Variants in GLRB observed in about 807,000 individuals in gnomAD.
The protein encoded by GLRB is glycine receptor subunit beta.
GLRB carries 33 observed loss-of-function variants against 54.2 expected under a neutral mutation model. The ratio of observed to expected loss-of-function variants is 0.61; its 90% CI spans 0.46 to 0.81. The LOEUF is 0.81. Ranked by LOEUF, GLRB falls within the 40% of genes least tolerant of loss-of-function variation. The pLI, the probability that GLRB is intolerant of heterozygous loss-of-function variation, is 0.00. For synonymous variants in GLRB, 209 were observed against 208.2 expected, an observed-to-expected ratio of 1.00 and a Z score of -0.03; for missense variants, 572 against 584.6, an observed-to-expected ratio of 0.98 and a Z score of 0.22.
At chr4:157,114,063 A>C (rs916333769) in intron 2 of GLRB, among the ~76,000 whole-genome samples, 1 of 152,008 alleles carries the variant, frequency 6.6e-6, no homozygotes, top group African/African-American at 2.4e-5. Context: ...AGCTGAATAC[A>C]TGAAGTATTT....
At chr4:157,120,730 G>A in intron 3 of GLRB, 68 bp downstream of exon 3, 1 of 769,498 alleles carries the variant, frequency 1.3e-6, no homozygotes, top group South Asian at 1.4e-5. Context: ...TTAGAGATTT[G>A]TGATATTTTA....
chr4:157,100,989 A>G (rs1283139906), intron 2 of GLRB, among the ~76,000 whole-genome samples: 1 of 152,178 alleles, frequency 6.6e-6, no homozygotes, highest in Non-Finnish European at 1.5e-5. Context: ...GCCTGGTGGT[A>G]GTAGACACTT....
In GLRB at chr4:157,171,448, A is replaced by T. The variant is rs1464311939; in HGVS notation, c.*720A>T. 6.6e-6 allele frequency: 1 copy of T among 152,272 alleles called. No homozygotes were observed. Among genetic ancestry groups the T allele is most frequent in the South Asian group, 2.1e-4 (1 of 4,822 alleles). 9.4% of individuals were successfully genotyped at this position (152,272 alleles called of 1,614,324 possible). On this transcript the variant is annotated 3_prime_UTR_variant, in exon 10 of 10. Coordinates refer to ENST00000264428, the MANE Select transcript of GLRB (RefSeq NM_000824.5). ...TGACGAAATATTTAGGATAAACAAAATTCTATTTAATCCACCTTAAAACCT... is the reference window on the plus strand; with the variant it reads ...TGACGAAATATTTAGGATAAACAAATTTCTATTTAATCCACCTTAAAACCT...
intron 2 of GLRB, among the ~76,000 whole-genome samples, chr4:157,091,548 G>T (rs1244199334): frequency 6.6e-6 from 1 of 152,200 alleles, no homozygotes; most frequent in African/African-American, 2.4e-5. Flanking sequence ...GACAGTAACA[G>T]AATGTGTAAC....
At chr4:157,094,146 G>T (rs184317518) in intron 2 of GLRB, among the ~76,000 whole-genome samples, 2 of 149,936 alleles carry the variant, frequency 1.3e-5, no homozygotes, top group East Asian at 2.4e-4. Context: ...TTTAATAAAT[G>T]TTCACCTTGG....
At chr4:157,115,295 A>G (rs1440313204) in intron 2 of GLRB, among the ~76,000 whole-genome samples, 2 of 103,502 alleles carry the variant, frequency 1.9e-5, no homozygotes, top group Admixed American at 1.1e-4. Flanking sequence ...AATTTCTGTT[A>G]CTGTAAGATA....
rs545210532 is a variant in GLRB, at chr4:157,104,349, T to A, written c.123-16207T>A. 5.9e-5 allele frequency among the ~76,000 whole-genome samples: 9 copies of A among 152,272 alleles called. No homozygotes were observed. In the South Asian group the frequency reaches 8.3e-4, roughly 14 times the overall value. ...TCCTTCATTCTGTTGATTTGGGTGG[T>A]TTATGGCATTAATTGATTTCTGTAT... On this transcript the variant is annotated intron_variant, in intron 2 of 9. Coordinates refer to ENST00000264428, the MANE Select transcript of GLRB (RefSeq NM_000824.5).
chr4:157,164,905 A>G (rs866734268), intron 9 of GLRB, among the ~76,000 whole-genome samples: 79 of 152,270 alleles, frequency 5.2e-4, no homozygotes, highest in Admixed American at 1.7e-3. Context: ...TACCCAATAA[A>G]TAAAAGTTAA....
At chr4:157,113,463 T>C (rs1453298315) in intron 2 of GLRB, among the ~76,000 whole-genome samples, 1 of 151,966 alleles carries the variant, frequency 6.6e-6, no homozygotes, top group African/African-American at 2.4e-5. Flanking sequence ...AAATAGAAGA[T>C]ACTTCTACAT....
At chr4:157,115,684 T>C (rs955689387) in intron 2 of GLRB, among the ~76,000 whole-genome samples, 2 of 151,746 alleles carry the variant, frequency 1.3e-5, no homozygotes, top group African/African-American at 4.8e-5. Context: ...TATACCCTTT[T>C]TGGGGAAGTG....
intron 3 of GLRB, among the ~76,000 whole-genome samples, chr4:157,121,572 A>T (rs935166618): frequency 6.6e-6 from 1 of 151,386 alleles, no homozygotes; most frequent in African/African-American, 2.4e-5. Flanking sequence ...GGACCTATTC[A>T]GTTACTTTCA....
chr4:157,170,679 CT>C lies in GLRB; in HGVS notation c.1448del (p.Phe483SerfsTer36), dbSNP rs2126638125. 1 of 1,601,526 alleles carries C rather than the reference CT, an allele frequency of 6.2e-7. No individual in the cohort carries two copies. Among genetic ancestry groups the C allele is most frequent in the African/African-American group, 1.3e-5 (1 of 74,438 alleles). On this transcript the variant is annotated frameshift_variant, in exon 10 of 10. Transcript: ENST00000264428. LOFTEE classifies it high-confidence loss of function. ...GATCTTTATGCAAGAGCATTGTTTC[CT>C]TTCTGCTTCTTGTTCTTCAATGTTA... ...RIDLYARALF[P>X]FCFLFFNVIY...
intron 4 of GLRB, among the ~76,000 whole-genome samples, chr4:157,127,570 A>C (rs2126545637): frequency 6.6e-6 from 1 of 151,986 alleles, no homozygotes; most frequent in East Asian, 1.9e-4. Flanking sequence ...TTCAGATGTG[A>C]TTAAATTAAA....
chr4:157,095,672 T>C (rs1734782841), intron 2 of GLRB, among the ~76,000 whole-genome samples: 1 of 152,106 alleles, frequency 6.6e-6, no homozygotes, highest in African/African-American at 2.4e-5. Context: ...ACAAAAACTT[T>C]TTTTAAAAAG....
chr4:157,140,269 C>T (rs189524542), intron 7 of GLRB, among the ~76,000 whole-genome samples: 107 of 152,004 alleles, frequency 7.0e-4, no homozygotes, highest in Non-Finnish European at 1.3e-3. Flanking sequence ...TGGAAGTGAT[C>T]TAATTGATAA....
chr4:157,165,680 T>C (rs1737679677), intron 9 of GLRB, among the ~76,000 whole-genome samples: 1 of 152,036 alleles, frequency 6.6e-6, no homozygotes, highest in Admixed American at 6.5e-5. Flanking sequence ...TCCAATATCT[T>C]GGTTACTTTT....
chr4:157,111,980 C>A (rs932093152), intron 2 of GLRB, among the ~76,000 whole-genome samples: 1 of 151,912 alleles, frequency 6.6e-6, no homozygotes, highest in Non-Finnish European at 1.5e-5. Flanking sequence ...GCTGGATTTA[C>A]CCCTTCTTCC....
chr4:157,126,288 T>A (rs1579220013), intron 4 of GLRB, among the ~76,000 whole-genome samples: 1 of 152,030 alleles, frequency 6.6e-6, no homozygotes, highest in African/African-American at 2.4e-5. Flanking sequence ...ACATTATTCA[T>A]AAACCATAAT....
chr4:157,104,680 G>T (rs1461497605), intron 2 of GLRB, among the ~76,000 whole-genome samples: 2 of 151,936 alleles, frequency 1.3e-5, no homozygotes, highest in Non-Finnish European at 2.9e-5. Flanking sequence ...GAAACCATCT[G>T]GTCCTAGGCT....
Sources: gnomAD v4.1 joint callset for allele counts (sites outside exome capture counted in the v4.1 genomes callset) on GRCh38, gnomAD v4.1.1 for gene constraint, MANE v1.5 for transcripts, NCBI Gene and HGNC (gene_info 2026-07-23, HGNC 2026-07-21) for gene names.